Variants in MIDEAS observed in about 807,000 individuals in gnomAD.
MIDEAS encodes mitotic deacetylase associated SANT domain protein.
A neutral mutation model predicts 102.7 loss-of-function variants in MIDEAS; 26 were observed. The observed-to-expected ratio is 0.25, with a 90% confidence interval of 0.19 to 0.35. The LOEUF (loss-of-function observed/expected upper bound fraction) is 0.35. Among genes scored for constraint, MIDEAS ranks in the 10% least tolerant of loss-of-function variants. The probability of loss-of-function intolerance (pLI) is 1.00; values close to 1 mark genes in which losing one functional copy is unlikely to be tolerated. For missense variants in MIDEAS, 1,231 were observed against 1,435.6 expected (o/e 0.86, Z 2.30); for synonymous variants, 585 against 591.0 (o/e 0.99, Z 0.15).
At position 73,780,650 on chromosome 14, in the gene MIDEAS, C is replaced by T. The variant is rs567060478; in HGVS notation, c.-248+6452G>A. Among the ~76,000 whole-genome samples the T allele has an allele frequency of 2.6e-5, 4 of 152,356 alleles. No individual in the cohort carries two copies. In the East Asian group the frequency reaches 7.7e-4, roughly 29 times the overall value. On this transcript the variant is annotated intron_variant, in intron 1 of 11. Coordinates refer to the MIDEAS transcript ENST00000394071. Reference sequence around the variant, plus strand: ...GTGAGGACAGTTGGCCCTGCATTAACTGGCTGTTCAAAGAGTGCCATGCCT... The same window carrying T: ...GTGAGGACAGTTGGCCCTGCATTAATTGGCTGTTCAAAGAGTGCCATGCCT...
rs2053298579 is a variant in MIDEAS at position 73,742,743 on chromosome 14, CA to C, written c.-247-2489del. Among the ~76,000 whole-genome samples the C allele has an allele frequency of 6.6e-6, 1 of 152,166 alleles. No homozygotes were observed. The highest frequency in any genetic ancestry group is 2.4e-5 in the African/African-American group (1 of 41,444). ...ACCCTCACCGAAGAGCTAAGGGTGCCAGGGGCACAGACAGTCAGGCCTGGGA... is the reference window on the plus strand; with the variant it reads ...ACCCTCACCGAAGAGCTAAGGGTGCCGGGGCACAGACAGTCAGGCCTGGGA... On this transcript the variant is annotated intron_variant, in intron 1 of 12. Transcript: ENST00000423556. This position sits in a 1 kb window ranked among gnomAD's most constrained non-coding sequence, Gnocchi z 4.4.
chr14:73,768,716 C>G (rs180745163), intron 1 of MIDEAS, among the ~76,000 whole-genome samples: 1 of 152,256 alleles, frequency 6.6e-6, no homozygotes, highest in Admixed American at 6.5e-5. Flanking sequence ...GAACTCCTGA[C>G]CTCAGGTGAT....
chr14:73,729,622 C>A lies in MIDEAS; in HGVS notation c.2095+18G>T. On this transcript the variant is annotated intron_variant, in intron 4 of 12. Coordinates refer to ENST00000423556, the MANE Select transcript of MIDEAS (RefSeq NM_001367710.1). ...CCCAGCCCCGCTCCTGCCAGGGTCG[C>A]GGAGGGAGGTCACTCACTAGTCCGG... The A allele has an allele frequency of 6.3e-7, 1 of 1,580,450 alleles. No individual in the cohort carries two copies. The highest frequency in any genetic ancestry group is 1.2e-5 in the South Asian group (1 of 86,926).
At chr14:73,785,439 C>T (rs903924677) in intron 1 of MIDEAS, among the ~76,000 whole-genome samples, 2 of 152,160 alleles carry the variant, frequency 1.3e-5, no homozygotes, top group Non-Finnish European at 2.9e-5. Context: ...CACTCCTCTG[C>T]CCCTCCCAGA....
chr14:73,772,111 C>T (rs1184628013), intron 1 of MIDEAS, among the ~76,000 whole-genome samples: 2 of 152,208 alleles, frequency 1.3e-5, no homozygotes, highest in Admixed American at 6.5e-5. Flanking sequence ...AGTTACTCAG[C>T]CAGTCTATGA....
chr14:73,726,117 G>C lies in MIDEAS; in HGVS notation c.2410-9C>G. On this transcript the variant is annotated splice_polypyrimidine_tract_variant and intron_variant, in intron 7 of 12. Transcript: ENST00000423556. Reference sequence around the variant, plus strand: ...AGCTTATTCAGCGTTTCCTGGAGGGGAAGTGAGGGAAGGGTCAGGGCACTG... The same window carrying C: ...AGCTTATTCAGCGTTTCCTGGAGGGCAAGTGAGGGAAGGGTCAGGGCACTG... 6.3e-7 allele frequency: 1 copy of C among 1,581,996 alleles called. No individual in the cohort carries two copies.
intron 4 of MIDEAS, chr14:73,729,050 A>C (rs1178405672): frequency 6.6e-6 from 1 of 152,522 alleles, no homozygotes; most frequent in East Asian, 1.9e-4. Context: ...TTTGCAGAGG[A>C]AATGGATCTC....
Position 73,737,171 on chromosome 14 carries a change from T to C in MIDEAS, c.1576A>G (p.Ile526Val), listed in dbSNP as rs914573819. 10 of 1,613,932 alleles carry C rather than the reference T, an allele frequency of 6.2e-6. No homozygotes were observed. The highest frequency in any genetic ancestry group is 8.5e-6 in the Non-Finnish European group (10 of 1,180,006). Residue 526 changes from isoleucine to valine, a missense_variant, in exon 3 of 13, where the codon ATC becomes GTC. By Grantham distance (29) the Ile-to-Val change is conservative. Transcript: ENST00000423556. ...CGCACAGGCACAGACACTGGGATGA[T>C]GAGGGGTACCATCCCACTGTCTTCT... is the stretch of plus-strand genomic sequence containing the variant. ...AREDSGMVPL[I>V]IPVSVPVRTV... is the part of the protein sequence containing the mutation.
At chr14:73,756,295 T>TGTGTGTGTGTGTGCGCGC (rs55692592) in intron 1 of MIDEAS, among the ~76,000 whole-genome samples, 55 of 127,714 alleles carry the variant, frequency 4.3e-4, no homozygotes, top group African/African-American at 1.5e-3. Flanking sequence ...TGTGTGTGTG[T>TGTGTGTGTGTGTGCGCGC]GCGCGCGCGC....
rs370376535 is a variant in MIDEAS at position 73,738,467 on chromosome 14, G to A, written c.1449+93C>T. ...CAGGCAGCTGGCTAGGGCAAAGTCT[G>A]GCTTTCCCTAGGCAAGAAGCAAATC... On this transcript the variant is annotated intron_variant, in intron 2 of 12. Transcript: ENST00000423556. 7.2e-5 allele frequency: 103 copies of A among 1,423,870 alleles called. 2 individuals carry two copies. Among genetic ancestry groups the A allele is most frequent in the African/African-American group, 5.2e-4 (36 of 68,718 alleles). 88.2% of individuals were successfully genotyped at this position (1,423,870 alleles called of 1,614,324 possible).
chr14:73,745,886 T>C (rs1401271934), intron 1 of MIDEAS, among the ~76,000 whole-genome samples: 1 of 152,184 alleles, frequency 6.6e-6, no homozygotes, highest in Non-Finnish European at 1.5e-5. Context: ...GGCCCTATGG[T>C]CGGCCCATTC....
upstream of MIDEAS, chr14:73,789,751 C>T (rs1182615965): frequency 1.3e-5 from 2 of 152,190 alleles, no homozygotes; most frequent in Non-Finnish European, 2.9e-5. Flanking sequence ...GAGGGTCATT[C>T]TTGAATTTAA....
chr14:73,739,119 C>T lies in MIDEAS; in HGVS notation c.890G>A (p.Gly297Glu), dbSNP rs202150367. 6.2e-7 allele frequency: 1 copy of T among 1,609,974 alleles called. No homozygotes were observed. The highest frequency in any genetic ancestry group is 8.5e-7 in the Non-Finnish European group (1 of 1,177,566). ...GCTGTGGTGAGCCAGGTGGGACTGT[C>T]CCAGTGGCCCAGCTGGCTGCAGGCC... Reference protein sequence around the residue: ...DFGLQPAGPLGQSHLAHHSMA... With the variant: ...DFGLQPAGPLEQSHLAHHSMA... The change falls in exon 2 of 13, where the codon GGA (glycine) becomes GAA (glutamate). Residue 297 changes from glycine (G) to glutamate (E), a missense_variant. Transcript: ENST00000423556.
At position 73,734,546 on chromosome 14, in the gene MIDEAS, T is replaced by C. The variant is rs145617040; in HGVS notation, c.1749+2452A>G. On this transcript the variant is annotated intron_variant, in intron 3 of 12. Transcript: ENST00000423556. ...CCTCAGCCTCCTGAGAAACTGGGAC[T>C]ACAGGTGTGCACCACCACACCCAGC... is the stretch of plus-strand genomic sequence containing the variant. Among the ~76,000 whole-genome samples, 841 of 152,302 alleles carry C rather than the reference T, an allele frequency of 5.5e-3. 6 individuals are homozygous for C. Among genetic ancestry groups the C allele is most frequent in the African/African-American group, 0.019 (803 of 41,560 alleles).
chr14:73,719,666 C>T (rs560685297), intron 11 of MIDEAS, among the ~76,000 whole-genome samples, 165 bp from the exon 12 acceptor site: 1 of 151,812 alleles, frequency 6.6e-6, no homozygotes, highest in East Asian at 2.0e-4. Context: ...ATTGCCTCCT[C>T]CAACTCTGCA....
At chr14:73,757,296 A>T (rs1176104781) in intron 1 of MIDEAS, among the ~76,000 whole-genome samples, 1 of 148,222 alleles carries the variant, frequency 6.7e-6, no homozygotes, top group Non-Finnish European at 1.5e-5. Flanking sequence ...AAAAAAAAAC[A>T]CTAAACACTT....
intron 10 of MIDEAS, 93 bp from the exon 11 acceptor site, chr14:73,721,602 A>T: frequency 8.7e-7 from 1 of 1,155,364 alleles, no homozygotes; most frequent in Non-Finnish European, 1.3e-6. Flanking sequence ...CACCAGCCCC[A>T]GCTAGTCCTG....
chr14:73,726,819 C>A lies in MIDEAS; in HGVS notation c.2305+11G>T, dbSNP rs757535497. 1.2e-4 allele frequency: 185 copies of A among 1,606,926 alleles called. No homozygotes were observed. The highest frequency in any genetic ancestry group is 1.5e-4 in the Non-Finnish European group (178 of 1,174,878). ...CCTGCCCTCACTTGCTGCCCCCAGG[C>A]CCCTCCTCACCTTGCCTCTGCTTCT... On this transcript the variant is annotated intron_variant, in intron 6 of 12. Transcript: ENST00000423556.
At position 73,751,059 on chromosome 14, in the gene MIDEAS, C is replaced by T. The variant is rs145292192; in HGVS notation, c.-248+8704G>A. 5.1e-3 allele frequency among the ~76,000 whole-genome samples: 781 copies of T among 152,364 alleles called. 4 individuals carry two copies. Among genetic ancestry groups the T allele is most frequent in the Middle Eastern group, 0.017 (5 of 294 alleles). On this transcript the variant is annotated intron_variant, in intron 1 of 12. Transcript: ENST00000423556. The stretch of plus-strand genomic sequence containing the variant: ...AGAGATGGAGTCTCACTTTGTTGCT[C>T]AGGCTGGTCTTGAACTCCTTGCCTC...
Sources: allele counts gnomAD v4.1 joint callset (sites outside exome capture counted in the v4.1 genomes callset), GRCh38; gene constraint gnomAD v4.1.1; non-coding constraint Gnocchi (gnomAD v3.1); transcripts MANE v1.5; gene names NCBI Gene and HGNC (gene_info 2026-07-23, HGNC 2026-07-21).